The following MRPS35 variants were observed in gnomAD, a reference collection of about 807,000 sequenced individuals.
MRPS35 encodes the protein mitochondrial ribosomal protein S35.
Under a neutral mutation model 32.7 loss-of-function variants are expected in MRPS35, and 29 were observed. The ratio of observed to expected loss-of-function variants is 0.89; its 90% CI spans 0.66 to 1.21. MRPS35 has a LOEUF of 1.21. MRPS35 is among the 50% of genes most tolerant of loss of function. The pLI is 0.00. For synonymous variants in MRPS35, 148 were observed against 139.3 expected, an observed-to-expected ratio of 1.06 and a Z score of -0.44; for missense variants, 373 against 383.8, an observed-to-expected ratio of 0.97 and a Z score of 0.23.
chr12:27,726,380 A>G (rs994597087), intron 5 of MRPS35, among the ~76,000 whole-genome samples: 12 of 152,002 alleles, frequency 7.9e-5, no homozygotes, highest in African/African-American at 2.9e-4. Flanking sequence ...ACCACATTTT[A>G]TTTATCCATT....
Position 27,724,179 on chromosome 12 carries a change from T to G in MRPS35, c.515T>G (p.Val172Gly), listed in dbSNP as rs202040254. 1 of 1,559,794 alleles carries G rather than the reference T, an allele frequency of 6.4e-7. No individual in the cohort carries two copies. The highest frequency in any genetic ancestry group is 8.6e-7 in the Non-Finnish European group (1 of 1,159,920). Residue 172 changes from valine to glycine, a missense_variant, in exon 5 of 8, where the codon GTC (valine) becomes GGC (glycine). Val to Gly is a moderately radical substitution (Grantham distance 109). Coordinates refer to ENST00000081029, the MANE Select transcript of MRPS35 (RefSeq NM_021821.4). ...SVRNPRARVV[V>G]LRVKLSSLNL... ...CGGAACCCCAGAGCACGAGTAGTAGTCTTAAGAGTAAGAGTTTTTTTCATT... is the reference window on the plus strand; with the variant it reads ...CGGAACCCCAGAGCACGAGTAGTAGGCTTAAGAGTAAGAGTTTTTTTCATT...
intron 7 of MRPS35, among the ~76,000 whole-genome samples, chr12:27,754,688 G>A (rs775699300): frequency 6.0e-5 from 9 of 149,214 alleles, no homozygotes; most frequent in African/African-American, 2.0e-4. Flanking sequence ...AATCACCTGA[G>A]ACTGCAAGGT....
chr12:27,742,160 T>A (rs1250343992), intron 7 of MRPS35, among the ~76,000 whole-genome samples: 1 of 152,204 alleles, frequency 6.6e-6, no homozygotes, highest in African/African-American at 2.4e-5. Flanking sequence ...AAGGGGACAT[T>A]ATTGCAGATA....
In MRPS35 at chr12:27,710,900, G is replaced by A. The variant is rs147416601; in HGVS notation, c.57G>A (p.Leu19=). 2.0e-3 allele frequency: 3,188 copies of A among 1,612,986 alleles called. 5 individuals are homozygous for A. The highest frequency in any genetic ancestry group is 2.8e-3 in the Middle Eastern group (17 of 6,062). ...WLSLQSRART[L]RAFSTAVYSA... Reference sequence around the variant, plus strand: ...CTCTGCAGTCGAGGGCAAGGACTCTGCGTGCATTCTCCACTGCCGTCTACT... The same window carrying A: ...CTCTGCAGTCGAGGGCAAGGACTCTACGTGCATTCTCCACTGCCGTCTACT... The change falls in exon 1 of 8, where the codon CTG becomes CTA. Residue 19 remains leucine (L), a synonymous_variant. Transcript: ENST00000081029.
At chr12:27,739,530 C>T (rs2140775088) in intron 7 of MRPS35, among the ~76,000 whole-genome samples, 1 of 152,310 alleles carries the variant, frequency 6.6e-6, no homozygotes, top group Non-Finnish European at 1.5e-5. Context: ...AAGCTCTTCT[C>T]TTCTTTACAA....
rs1384537762 is a variant in MRPS35, at chr12:27,733,026, A to C, written c.523-2421A>C. Reference sequence around the variant, plus strand: ...TATATATATATATATATATATATATATATATATATATATATCCAGCACCTC... The same window carrying C: ...TATATATATATATATATATATATATCTATATATATATATATCCAGCACCTC... On this transcript the variant is annotated intron_variant, in intron 5 of 7. Transcript: ENST00000081029. Among the ~76,000 whole-genome samples the C allele has an allele frequency of 2.3e-4, 31 of 132,940 alleles. No homozygotes were observed. In the East Asian group the frequency reaches 5.4e-3, roughly 23 times the overall value. 87.2% of individuals were successfully genotyped at this position (132,940 alleles called of 152,430 possible).
At position 27,724,191 on chromosome 12, in the gene MRPS35, G is replaced by C. The variant is rs922738748; in HGVS notation, c.522+5G>C. On this transcript the variant is annotated splice_donor_5th_base_variant and intron_variant, in intron 5 of 7. Transcript: ENST00000081029. ...GCACGAGTAGTAGTCTTAAGAGTAAGAGTTTTTTTCATTTTTTTTTTTTAA... is the reference window on the plus strand; with the variant it reads ...GCACGAGTAGTAGTCTTAAGAGTAACAGTTTTTTTCATTTTTTTTTTTTAA... 1.9e-6 allele frequency: 3 copies of C among 1,545,010 alleles called. No homozygotes were observed. The African/African-American group carries it at 4.2e-5, about 22-fold the overall frequency.
chr12:27,743,375 T>C (rs61915372), intron 7 of MRPS35, among the ~76,000 whole-genome samples: 33,002 of 151,352 alleles, frequency 0.22, 4,230 homozygotes, highest in African/African-American at 0.36. Context: ...TACAAATATA[T>C]AAATTAGCCG....
intron 1 of MRPS35, among the ~76,000 whole-genome samples, chr12:27,711,616 C>G (rs1293974496): frequency 6.6e-6 from 1 of 152,042 alleles, no homozygotes; most frequent in Non-Finnish European, 1.5e-5. Context: ...TGTTATATCT[C>G]TAATTTACTC....
At chr12:27,734,531 G>A (rs772537017) in intron 5 of MRPS35, among the ~76,000 whole-genome samples, 2 of 152,074 alleles carry the variant, frequency 1.3e-5, no homozygotes. Flanking sequence ...ATGAGCCACC[G>A]TGCCTGGCCT....
chr12:27,735,537 C>CT lies in MRPS35; in HGVS notation c.615dup (p.Thr206TyrfsTer6), dbSNP rs1439146584. On this transcript the variant is annotated frameshift_variant, in exon 6 of 8. Coordinates refer to ENST00000081029, the MANE Select transcript of MRPS35 (RefSeq NM_021821.4). LOFTEE classifies it high-confidence loss of function. The stretch of plus-strand genomic sequence containing the variant: ...GCGATACTGCAAGACCACAGATGTG[C>CT]TTACCATCAAAACAGATAGGTAATG... The CT allele has an allele frequency of 1.9e-6, 3 of 1,611,018 alleles. No homozygotes were observed. The highest frequency in any genetic ancestry group is 1.7e-6 in the Non-Finnish European group (2 of 1,178,732).
chr12:27,727,257 C>T (rs1198561932), intron 5 of MRPS35, among the ~76,000 whole-genome samples: 1 of 152,038 alleles, frequency 6.6e-6, no homozygotes. Flanking sequence ...CTTTTAAGCA[C>T]AGAAGTTTTA....
At chr12:27,718,492 T>C (rs190088603) in intron 3 of MRPS35, among the ~76,000 whole-genome samples, 2 of 152,336 alleles carry the variant, frequency 1.3e-5, no homozygotes, top group Non-Finnish European at 2.9e-5. Flanking sequence ...CTTGTTTAAA[T>C]TTTCTTTCCA....
intron 1 of MRPS35, 48 bp downstream of exon 1, chr12:27,711,003 C>A: frequency 6.5e-7 from 1 of 1,540,232 alleles, no homozygotes; most frequent in Admixed American, 1.8e-5. Flanking sequence ...GGTGCAAGAG[C>A]GGAATACCGG....
chr12:27,742,543 A>G (rs1476634054), intron 7 of MRPS35, among the ~76,000 whole-genome samples: 1 of 152,226 alleles, frequency 6.6e-6, no homozygotes, highest in East Asian at 1.9e-4. Context: ...TTAGAAGATG[A>G]ACAGGAGTAT....
At chr12:27,713,097 T>G (rs973310831) in intron 1 of MRPS35, among the ~76,000 whole-genome samples, 5 of 152,246 alleles carry the variant, frequency 3.3e-5, no homozygotes, top group Admixed American at 6.5e-5. Flanking sequence ...TCTCTGTCTC[T>G]CTCTGTTCTG....
At position 27,724,151 on chromosome 12, in the gene MRPS35, G is replaced by T; in HGVS notation, c.487G>T (p.Val163Phe). The change falls in exon 5 of 8, where the codon GTT (valine) becomes TTT (phenylalanine). Residue 163 changes from valine to phenylalanine, a missense_variant. Physicochemically the swap from Val to Phe is conservative, Grantham distance 50 (BLOSUM62 -1). Coordinates refer to ENST00000081029, the MANE Select transcript of MRPS35 (RefSeq NM_021821.4). ...TGATTATGTTTCATCAGGACCATCT[G>T]TTCGGAACCCCAGAGCACGAGTAGT... ...STDYVSSGPS[V>F]RNPRARVVVL... 6.2e-7 allele frequency: 1 copy of T among 1,604,222 alleles called. No individual in the cohort carries two copies. The highest frequency in any genetic ancestry group is 8.5e-7 in the Non-Finnish European group (1 of 1,176,764).
chr12:27,734,497 T>C (rs931958560), intron 5 of MRPS35, among the ~76,000 whole-genome samples: 1 of 152,164 alleles, frequency 6.6e-6, no homozygotes, highest in Non-Finnish European at 1.5e-5. Context: ...CGCCTCGGCC[T>C]CCCAAAGTAA....
rs948816980 is a variant in MRPS35, at chr12:27,745,512, C to T, written c.702+7904C>T. 1.6e-4 allele frequency among the ~76,000 whole-genome samples: 24 copies of T among 152,088 alleles called. 1 individual carries two copies. The East Asian group carries it at 4.3e-3, about 27-fold the overall frequency. On this transcript the variant is annotated intron_variant, in intron 7 of 7. Transcript: ENST00000081029. ...ATGAACAACTGACTAATTGAAAATT[C>T]ATCTATCTCCATAACCTGTTTTCAG...
Sources: gnomAD v4.1 joint callset for allele counts (sites outside exome capture counted in the v4.1 genomes callset) on GRCh38, gnomAD v4.1.1 for gene constraint, MANE v1.5 for transcripts, NCBI Gene and HGNC (gene_info 2026-07-23, HGNC 2026-07-21) for gene names.